The following HS3ST3A1 variants were observed in gnomAD, a reference collection of about 807,000 sequenced individuals.
HS3ST3A1 encodes the protein heparan sulfate-glucosamine 3-sulfotransferase 3A1.
HS3ST3A1 carries 19 observed loss-of-function variants against 25.7 expected under a neutral mutation model. The ratio of observed to expected loss-of-function variants is 0.74; its 90% CI spans 0.52 to 1.08. The LOEUF is 1.08. Ranked by LOEUF, HS3ST3A1 falls within the 50% of genes least tolerant of loss-of-function variation. The pLI is 0.00. For missense variants in HS3ST3A1, 459 were observed against 594.3 expected (o/e 0.77, Z 2.37); for synonymous variants, 226 against 278.6 (o/e 0.81, Z 1.88).
intron 1 of HS3ST3A1, among the ~76,000 whole-genome samples, chr17:13,566,669 A>G (rs112277849): frequency 0.06 from 9,085 of 152,270 alleles, 599 homozygotes; most frequent in African/African-American, 0.16. Flanking sequence ...TAAGAAAGTG[A>G]AACAGCCTTA....
intron 1 of HS3ST3A1, among the ~76,000 whole-genome samples, chr17:13,560,135 C>T (rs1421038457): frequency 1.3e-5 from 2 of 150,710 alleles, no homozygotes; most frequent in African/African-American, 4.9e-5. Flanking sequence ...ACTAAAAATA[C>T]AAAAATTAGC....
chr17:13,532,899 G>A (rs867056394), intron 1 of HS3ST3A1, among the ~76,000 whole-genome samples: 18 of 95,958 alleles, frequency 1.9e-4, no homozygotes, highest in African/African-American at 7.7e-4. Flanking sequence ...GTGTGTATAT[G>A]TTTATATACA....
At chr17:13,518,374 A>C (rs1217819623) in intron 1 of HS3ST3A1, among the ~76,000 whole-genome samples, 1 of 152,254 alleles carries the variant, frequency 6.6e-6, no homozygotes, top group Non-Finnish European at 1.5e-5. Flanking sequence ...AAAGAGCCCC[A>C]AAATAGTATT....
chr17:13,511,391 G>A (rs753155951), intron 1 of HS3ST3A1, among the ~76,000 whole-genome samples: 5 of 152,070 alleles, frequency 3.3e-5, no homozygotes, highest in East Asian at 1.9e-4. Context: ...TTTGGGTGAG[G>A]GAAGTAGTTA....
At chr17:13,505,843 G>A (rs993852717) in intron 1 of HS3ST3A1, among the ~76,000 whole-genome samples, 1 of 151,816 alleles carries the variant, frequency 6.6e-6, no homozygotes, top group African/African-American at 2.4e-5. Context: ...GACCAACATG[G>A]TGAAACCCCG....
intron 1 of HS3ST3A1, among the ~76,000 whole-genome samples, chr17:13,505,958 C>T (rs978762404): frequency 7.2e-6 from 1 of 139,634 alleles, no homozygotes; most frequent in Non-Finnish European, 1.5e-5. Flanking sequence ...ACCCGGGAGG[C>T]GGAGGTTGCA....
At chr17:13,521,751 A>C (rs936192722) in intron 1 of HS3ST3A1, among the ~76,000 whole-genome samples, 19 of 152,194 alleles carry the variant, frequency 1.2e-4, no homozygotes, top group African/African-American at 4.6e-4. Context: ...ATATTGTTAC[A>C]GGCAATGTTC....
At chr17:13,514,487 G>A (rs754274581) in intron 1 of HS3ST3A1, among the ~76,000 whole-genome samples, 14 of 152,052 alleles carry the variant, frequency 9.2e-5, no homozygotes, top group Admixed American at 2.0e-4. Context: ...GTACTGACAC[G>A]CCACCTACAT....
At chr17:13,530,005 T>TACACACAC (rs3220827) in intron 1 of HS3ST3A1, among the ~76,000 whole-genome samples, 6,025 of 149,102 alleles carry the variant, frequency 0.04, 127 homozygotes, top group African/African-American at 0.05. Context: ...TTTATGTAAC[T>TACACACAC]ACACACACAC....
rs750697453 is a variant in HS3ST3A1 at position 13,600,784 on chromosome 17, C to T, written c.346G>A (p.Glu116Lys). 1 of 1,452,078 alleles carries T rather than the reference C, an allele frequency of 6.9e-7. No homozygotes were observed. The highest frequency in any genetic ancestry group is 9.0e-7 in the Non-Finnish European group (1 of 1,114,466). The allele number at this position is 1,452,078 out of a possible 1,614,324, so 89.9% of individuals were successfully genotyped here. ...GGACCCCCTGACAGGCCAGGGGACTCTTCTTCCCAGGCCGCCTCCTCGCCG... is the reference window on the plus strand; with the variant it reads ...GGACCCCCTGACAGGCCAGGGGACTTTTCTTCCCAGGCCGCCTCCTCGCCG... Reference protein sequence around the residue: ...DDGEEAAWEEESPGLSGGPGG... With the variant: ...DDGEEAAWEEKSPGLSGGPGG... Residue 116 changes from glutamate (E) to lysine (K), a missense_variant, in exon 1 of 2, where the codon GAG (glutamate) becomes AAG (lysine). Around this residue, in one of 3 missense-constraint regions of HS3ST3A1, gnomAD observed 346 missense variants for 303.9 expected, o/e 1.14. Coordinates refer to ENST00000284110, the MANE Select transcript of HS3ST3A1 (RefSeq NM_006042.3).
chr17:13,540,127 G>A (rs570400569), intron 1 of HS3ST3A1, among the ~76,000 whole-genome samples: 5 of 152,344 alleles, frequency 3.3e-5, no homozygotes, highest in African/African-American at 9.6e-5. Flanking sequence ...TTTTGTGAGT[G>A]AGAAAGTAAA....
At chr17:13,576,256 A>G (rs1489436028) in intron 1 of HS3ST3A1, among the ~76,000 whole-genome samples, 1 of 152,234 alleles carries the variant, frequency 6.6e-6, no homozygotes, top group African/African-American at 2.4e-5. Flanking sequence ...GTCCCAGCTC[A>G]GCTCAGTGTA....
chr17:13,498,898 A>G (rs1334029059), intron 1 of HS3ST3A1, among the ~76,000 whole-genome samples: 2 of 151,476 alleles, frequency 1.3e-5, no homozygotes, highest in African/African-American at 2.4e-5. Flanking sequence ...TCAGGAGTTG[A>G]AGGGGAAGTT....
intron 1 of HS3ST3A1, among the ~76,000 whole-genome samples, chr17:13,533,087 A>G (rs1017011234): frequency 7.9e-5 from 12 of 152,148 alleles, no homozygotes; most frequent in Admixed American, 6.5e-4. Flanking sequence ...GTGTTGCTGT[A>G]AGAATTAAAT....
At chr17:13,566,593 GT>G (rs1351438270) in intron 1 of HS3ST3A1, among the ~76,000 whole-genome samples, 1 of 152,210 alleles carries the variant, frequency 6.6e-6, no homozygotes, top group African/African-American at 2.4e-5. Context: ...AGTTAGCCAA[GT>G]TGTAAATGCA....
At chr17:13,563,292 G>A (rs1008843068) in intron 1 of HS3ST3A1, among the ~76,000 whole-genome samples, 3 of 151,910 alleles carry the variant, frequency 2.0e-5, no homozygotes, top group African/African-American at 7.3e-5. Flanking sequence ...GGGTATAAAG[G>A]GAATGAAGGG....
chr17:13,565,014 G>A (rs1039466149), intron 1 of HS3ST3A1, among the ~76,000 whole-genome samples: 1 of 152,046 alleles, frequency 6.6e-6, no homozygotes, highest in African/African-American at 2.4e-5. Flanking sequence ...GAGCCATCGT[G>A]CCTGGATGAA....
At chr17:13,547,491 G>C (rs1907121539) in intron 1 of HS3ST3A1, among the ~76,000 whole-genome samples, 1 of 152,120 alleles carries the variant, frequency 6.6e-6, no homozygotes, top group Non-Finnish European at 1.5e-5. Context: ...TCTATGTAAT[G>C]GAACTTCCAT....
chr17:13,586,198 T>C (rs1318642126), intron 1 of HS3ST3A1, among the ~76,000 whole-genome samples: 1 of 151,918 alleles, frequency 6.6e-6, no homozygotes, highest in Non-Finnish European at 1.5e-5. Context: ...TACTCTCCCT[T>C]TCCTCCTCCT....
Sources: gnomAD v4.1 joint callset for allele counts (sites outside exome capture counted in the v4.1 genomes callset) on GRCh38, gnomAD v4.1.1 for gene constraint, gnomAD v4.1.1 regional missense constraint, MANE v1.5 for transcripts, NCBI Gene and HGNC (gene_info 2026-07-23, HGNC 2026-07-21) for gene names.